Variants in PHLPP1 observed in about 807,000 individuals in gnomAD.
PHLPP1 encodes the protein PH domain and leucine rich repeat protein phosphatase 1.
Under a neutral mutation model 117.2 loss-of-function variants are expected in PHLPP1, and 42 were observed. The observed-to-expected ratio is 0.36, with a 90% CI of 0.28 to 0.46. The LOEUF is 0.46. Among genes scored for constraint, PHLPP1 ranks in the 20% least tolerant of loss-of-function variants. The probability of loss-of-function intolerance (pLI) is 1.00; values close to 1 mark genes in which losing one functional copy is unlikely to be tolerated. For synonymous variants in PHLPP1, 1,042 were observed against 970.7 expected, an observed-to-expected ratio of 1.07 and a Z score of -1.37; for missense variants, 2,084 against 2,241.9, an observed-to-expected ratio of 0.93 and a Z score of 1.42.
rs1911242153 is a variant in PHLPP1 at position 62,978,039 on chromosome 18, T to C, written c.3985-223T>C. Among the ~76,000 whole-genome samples the C allele has an allele frequency of 6.6e-6, 1 of 152,188 alleles. No individual in the cohort carries two copies. The highest frequency in any genetic ancestry group is 2.4e-5 in the African/African-American group (1 of 41,436). Reference sequence around the variant, plus strand: ...ACACATAACCGAAATCTTTTCCTTTTGTCCCTACTGCTCCTTACCTGCCCA... The same window carrying C: ...ACACATAACCGAAATCTTTTCCTTTCGTCCCTACTGCTCCTTACCTGCCCA... On this transcript the variant is annotated intron_variant, in intron 16 of 16. Transcript: ENST00000262719. This position sits in a 1 kb window ranked among gnomAD's most constrained non-coding sequence, Gnocchi z 7.0.
intron 1 of PHLPP1, among the ~76,000 whole-genome samples, chr18:62,752,873 T>C (rs546124824): frequency 2.0e-5 from 3 of 152,336 alleles, no homozygotes; most frequent in Admixed American, 6.5e-5. Context: ...TCAAACAGCT[T>C]GTCAAATCCC....
chr18:62,946,940 C>T (rs1373086679), intron 12 of PHLPP1, among the ~76,000 whole-genome samples: 3 of 152,140 alleles, frequency 2.0e-5, no homozygotes, highest in Non-Finnish European at 4.4e-5. Flanking sequence ...GTAGTCCCAG[C>T]TACTCGGGAG....
At chr18:62,896,293 T>A (rs1368105604) in intron 6 of PHLPP1, among the ~76,000 whole-genome samples, 1 of 85,970 alleles carries the variant, frequency 1.2e-5, no homozygotes, top group African/African-American at 4.0e-5. Context: ...TTTGTTGTTC[T>A]TGTTTTTTTT....
At chr18:62,799,804 C>T (rs1224413081) in intron 1 of PHLPP1, among the ~76,000 whole-genome samples, 3 of 152,144 alleles carry the variant, frequency 2.0e-5, no homozygotes, top group Non-Finnish European at 4.4e-5. Flanking sequence ...GGCCTTACTG[C>T]TTATAAACAG....
chr18:62,891,543 C>G (rs1478041537), intron 4 of PHLPP1, among the ~76,000 whole-genome samples: 1 of 151,972 alleles, frequency 6.6e-6, no homozygotes, highest in Admixed American at 6.6e-5. Flanking sequence ...CGAGATCACG[C>G]CACTGCACTC....
At chr18:62,835,843 C>G (rs1435082968) in intron 2 of PHLPP1, among the ~76,000 whole-genome samples, 1 of 139,356 alleles carries the variant, frequency 7.2e-6, no homozygotes, top group East Asian at 2.1e-4. Context: ...CACACTGGCA[C>G]AATATCAGCT....
chr18:62,716,724 C>G lies in PHLPP1; in HGVS notation c.1041C>G (p.Thr347=). The change falls in exon 1 of 17, where the codon ACC becomes ACG. Residue 347 remains threonine, a synonymous_variant. Coordinates refer to ENST00000262719, the MANE Select transcript of PHLPP1 (RefSeq NM_194449.4). The surrounding 1 kb of genome is among the most constrained non-coding windows in gnomAD (Gnocchi z 5.7). ...PRAPRPVVSD[T]ESFSLSPSAE... The stretch of plus-strand genomic sequence containing the variant: ...CCCCACGGCCTGTGGTCTCCGACAC[C>G]GAGAGCTTCAGTCTGAGTCCCAGCG... The G allele has an allele frequency of 6.6e-7, 1 of 1,504,002 alleles. No individual in the cohort carries two copies. Among genetic ancestry groups the G allele is most frequent in the Non-Finnish European group, 8.8e-7 (1 of 1,131,196 alleles). The allele number at this position is 1,504,002 out of a possible 1,614,324, so 93.2% of individuals were successfully genotyped here.
At chr18:62,846,938 G>C (rs1047299309) in intron 3 of PHLPP1, among the ~76,000 whole-genome samples, 1 of 151,908 alleles carries the variant, frequency 6.6e-6, no homozygotes, top group Non-Finnish European at 1.5e-5. Context: ...TCCTGTAGCG[G>C]CTCTTGTTTC....
intron 1 of PHLPP1, among the ~76,000 whole-genome samples, chr18:62,778,082 TAATC>T (rs376542891): frequency 2.4e-3 from 363 of 152,328 alleles, no homozygotes; most frequent in African/African-American, 8.0e-3. Flanking sequence ...TGTAAAGAAT[TAATC>T]AATCCCTAAC....
At chr18:62,843,128 G>A (rs1171637444) in intron 3 of PHLPP1, 1 of 152,254 alleles carries the variant, frequency 6.6e-6, no homozygotes, top group East Asian at 1.9e-4. Context: ...CTATGGAAAT[G>A]TTTAGTTTCT....
Position 62,715,543 on chromosome 18 carries a change from T to G in PHLPP1, c.-141T>G. On this transcript the variant is annotated 5_prime_UTR_variant, in exon 1 of 17. Coordinates refer to ENST00000262719, the MANE Select transcript of PHLPP1 (RefSeq NM_194449.4). The stretch of plus-strand genomic sequence containing the variant: ...CGACGGAATGCTCCGAATCGCCACA[T>G]AATCCCCTGGAACGGCCGCGCACAA... The G allele has an allele frequency of 2.3e-6, 1 of 444,138 alleles. No homozygotes were observed. The highest frequency in any genetic ancestry group is 4.4e-5 in the Admixed American group (1 of 22,674). The allele number at this position is 444,138 out of a possible 1,614,324, so 27.5% of individuals were successfully genotyped here. A position where few individuals can be genotyped will look rare whatever the true frequency, so the allele number is the denominator to read the frequency against.
rs563995146 is a variant in PHLPP1, at chr18:62,782,667, A to AT, written c.1577-47364dup. Among the ~76,000 whole-genome samples, 217 of 152,324 alleles carry AT rather than the reference A, an allele frequency of 1.4e-3. 1 individual carries two copies. The highest frequency in any genetic ancestry group is 2.8e-3 in the Non-Finnish European group (188 of 68,034). The stretch of plus-strand genomic sequence containing the variant: ...ACAGCAATAATTTCAATAATATGTG[A>AT]TTTTATCCTATTCACTGACTTTAAT... On this transcript the variant is annotated intron_variant, in intron 1 of 16. Coordinates refer to ENST00000262719, the MANE Select transcript of PHLPP1 (RefSeq NM_194449.4).
chr18:62,904,484 G>A (rs994728007), intron 7 of PHLPP1, among the ~76,000 whole-genome samples: 10 of 152,346 alleles, frequency 6.6e-5, no homozygotes, highest in Admixed American at 6.5e-4. Flanking sequence ...ATTGTGATGG[G>A]CTTCATGTGG....
rs1359146674 is a variant in PHLPP1, at chr18:62,823,194, GA to G, written c.1577-6838del. Among the ~76,000 whole-genome samples, 230 of 152,136 alleles carry G rather than the reference GA, an allele frequency of 1.5e-3. 2 individuals carry two copies. Among genetic ancestry groups the G allele is most frequent in the Non-Finnish European group, 4.3e-4 (29 of 67,988 alleles). ...CAAATAATTAGGCTTTATTAAAATG[GA>G]AACTTTTGCTTTCTGAAAATACTCT... is the stretch of plus-strand genomic sequence containing the variant. On this transcript the variant is annotated intron_variant, in intron 1 of 16. Coordinates refer to ENST00000262719, the MANE Select transcript of PHLPP1 (RefSeq NM_194449.4).
chr18:62,755,422 C>T (rs1911984903), intron 1 of PHLPP1, among the ~76,000 whole-genome samples: 1 of 152,028 alleles, frequency 6.6e-6, no homozygotes, highest in Non-Finnish European at 1.5e-5. Context: ...TATGTGTGTC[C>T]CTGTGCAATT....
At chr18:62,888,178 C>T (rs1055510831) in intron 4 of PHLPP1, among the ~76,000 whole-genome samples, 1 of 152,066 alleles carries the variant, frequency 6.6e-6, no homozygotes, top group African/African-American at 2.4e-5. Flanking sequence ...TGATTCTCTT[C>T]CACTTATCTA....
intron 2 of PHLPP1, chr18:62,838,526 C>T (rs2095260140): frequency 5.6e-6 from 2 of 357,688 alleles, no homozygotes; most frequent in Admixed American, 4.1e-5. Context: ...GAAAGGGAGT[C>T]TGGACTAATT....
At chr18:62,840,549 T>G (rs966470501) in intron 3 of PHLPP1, among the ~76,000 whole-genome samples, 2 of 152,244 alleles carry the variant, frequency 1.3e-5, no homozygotes, top group Non-Finnish European at 2.9e-5. Context: ...ATTGTGCTTT[T>G]GTATGTATTT....
At chr18:62,846,972 T>C (rs1317400768) in intron 3 of PHLPP1, among the ~76,000 whole-genome samples, 1 of 152,204 alleles carries the variant, frequency 6.6e-6, no homozygotes, top group African/African-American at 2.4e-5. Flanking sequence ...AATATATTCC[T>C]GAAGAAGAGG....
Sources: allele counts gnomAD v4.1 joint callset (sites outside exome capture counted in the v4.1 genomes callset), GRCh38; gene constraint gnomAD v4.1.1; non-coding constraint Gnocchi (gnomAD v3.1); transcripts MANE v1.5; gene names NCBI Gene and HGNC (gene_info 2026-07-23, HGNC 2026-07-21).